Variants in PKP4 observed in about 807,000 individuals in gnomAD.
The protein encoded by PKP4 is plakophilin 4, also known as plakophilin-4.
PKP4 carries 90 observed loss-of-function variants against 145.1 expected under a neutral mutation model. That is an observed-to-expected ratio of 0.62 (90% CI 0.52 to 0.74). The LOEUF is 0.74. PKP4 is among the 30% of genes least tolerant of loss of function. The probability of loss-of-function intolerance (pLI) is 0.00; values close to 1 mark genes in which losing one functional copy is unlikely to be tolerated. For missense variants in PKP4, 1,340 were observed against 1,482.7 expected (o/e 0.90, Z 1.58); for synonymous variants, 563 against 577.2 (o/e 0.98, Z 0.35).
intron 1 of PKP4, among the ~76,000 whole-genome samples, chr2:158,462,080 T>C (rs1689856773): frequency 1.3e-5 from 2 of 152,116 alleles, no homozygotes; most frequent in Non-Finnish European, 2.9e-5. Context: ...TGGAATGCAG[T>C]TTTTCATAGA....
chr2:158,555,799 A>G (rs1386418516), intron 2 of PKP4, among the ~76,000 whole-genome samples: 1 of 152,214 alleles, frequency 6.6e-6, no homozygotes, highest in African/African-American at 2.4e-5. Context: ...ACCCACAGAC[A>G]TAAACTGGTT....
intron 11 of PKP4, among the ~76,000 whole-genome samples, chr2:158,656,719 C>T (rs2055972407): frequency 6.6e-6 from 1 of 152,190 alleles, no homozygotes; most frequent in African/African-American, 2.4e-5. Flanking sequence ...CTCCACAGCA[C>T]ATGGACAGGC....
At chr2:158,619,699 G>T (rs946369353) in intron 4 of PKP4, among the ~76,000 whole-genome samples, 7 of 152,174 alleles carry the variant, frequency 4.6e-5, no homozygotes, top group Non-Finnish European at 7.4e-5. Flanking sequence ...CTGGGAATTT[G>T]CTTGTTCAAC....
rs773442211 is a variant in PKP4 at position 158,661,370 on chromosome 2, A to G, written c.2131A>G (p.Met711Val). The change falls in exon 13 of 22, where the codon ATG (methionine) becomes GTG (valine). Residue 711 changes from methionine to valine, a missense_variant. Met to Val is a conservative substitution (Grantham distance 21). Transcript: ENST00000389759. The part of the protein sequence containing the change: ...SSAGEEARKQ[M>V]RSCEGLVDSL... ...CGCGGGGGAAGAAGCTCGGAAGCAA[A>G]TGCGGTCCTGCGAGGGGCTGGTAGA... The G allele has an allele frequency of 6.2e-7, 1 of 1,613,840 alleles. No homozygotes were observed. The highest frequency in any genetic ancestry group is 8.5e-7 in the Non-Finnish European group (1 of 1,179,802).
At chr2:158,479,610 A>C (rs977927384) in intron 1 of PKP4, among the ~76,000 whole-genome samples, 10 of 152,188 alleles carry the variant, frequency 6.6e-5, no homozygotes, top group African/African-American at 2.4e-4. Context: ...TTCTATAGGC[A>C]GACTGTCACT....
chr2:158,582,597 G>C (rs1397068854), intron 3 of PKP4, among the ~76,000 whole-genome samples: 1 of 152,136 alleles, frequency 6.6e-6, no homozygotes, highest in Non-Finnish European at 1.5e-5. Context: ...AAACAAACTA[G>C]GTTGCTCAGG....
At chr2:158,486,509 T>C (rs997746955) in intron 1 of PKP4, among the ~76,000 whole-genome samples, 1 of 152,240 alleles carries the variant, frequency 6.6e-6, no homozygotes, top group Non-Finnish European at 1.5e-5. Context: ...CCTACAGATA[T>C]TATTCAGCTT....
intron 1 of PKP4, among the ~76,000 whole-genome samples, chr2:158,532,901 C>A (rs952907233): frequency 2.0e-5 from 3 of 152,156 alleles, no homozygotes; most frequent in Non-Finnish European, 4.4e-5. Context: ...GTAAAACATT[C>A]TTCTCATGTC....
At chr2:158,572,984 G>A (rs1342748149) in intron 2 of PKP4, among the ~76,000 whole-genome samples, 3 of 152,112 alleles carry the variant, frequency 2.0e-5, no homozygotes, top group Non-Finnish European at 4.4e-5. Flanking sequence ...TGTACCTTTC[G>A]ACCAAGCAAT....
chr2:158,639,614 CT>C (rs2105927934), intron 9 of PKP4, among the ~76,000 whole-genome samples: 1 of 152,184 alleles, frequency 6.6e-6, no homozygotes, highest in African/African-American at 2.4e-5. Context: ...TAACAATCTG[CT>C]TTTCACATAA....
intron 1 of PKP4, among the ~76,000 whole-genome samples, chr2:158,463,545 T>C (rs1690114066): frequency 6.6e-6 from 1 of 152,164 alleles, no homozygotes; most frequent in Non-Finnish European, 1.5e-5. Flanking sequence ...ATCAAGAGGC[T>C]CTAGTTCTAG....
At chr2:158,660,716 G>C (rs1489638288) in intron 12 of PKP4, 1 of 152,182 alleles carries the variant, frequency 6.6e-6, no homozygotes, top group Non-Finnish European at 1.5e-5. Context: ...GAAAAGATCA[G>C]AAAAGTTTTA....
chr2:158,674,056 C>A, intron 19 of PKP4, 56 bp downstream of exon 19: 2 of 959,922 alleles, frequency 2.1e-6, no homozygotes, highest in Non-Finnish European at 3.4e-6. Context: ...GAACATTGTT[C>A]CCCAGCCAGA....
In PKP4 at chr2:158,663,356, T is replaced by A. The variant is rs761352405; in HGVS notation, c.2488T>A (p.Tyr830Asn). The part of the protein sequence containing the change: ...MLWHPSVVKP[Y>N]LTLLAESSNP... ...GTGGCACCCATCGGTGGTAAAACCA[T>A]ATCTGACTCTTCTAGCAGAAAGTTC... Residue 830 changes from tyrosine (Y) to asparagine (N), a missense_variant, in exon 15 of 22, where the codon TAT (tyrosine) becomes AAT (asparagine). Coordinates refer to ENST00000389759, the MANE Select transcript of PKP4 (RefSeq NM_003628.6). The A allele has an allele frequency of 1.9e-6, 3 of 1,614,112 alleles. No homozygotes were observed. Among genetic ancestry groups the A allele is most frequent in the Non-Finnish European group, 2.5e-6 (3 of 1,179,966 alleles).
At chr2:158,592,278 T>C (rs1178522095) in intron 3 of PKP4, among the ~76,000 whole-genome samples, 1 of 152,052 alleles carries the variant, frequency 6.6e-6, no homozygotes, top group East Asian at 1.9e-4. Flanking sequence ...TAAAACATTC[T>C]AGAACCACTT....
intron 1 of PKP4, among the ~76,000 whole-genome samples, chr2:158,500,178 C>G (rs933390884): frequency 6.6e-6 from 1 of 152,162 alleles, no homozygotes; most frequent in Non-Finnish European, 1.5e-5. Context: ...CATCATTTCT[C>G]TTTCTCCTGC....
chr2:158,562,848 C>T (rs1194046359), intron 2 of PKP4, among the ~76,000 whole-genome samples: 3 of 151,986 alleles, frequency 2.0e-5, no homozygotes, highest in Non-Finnish European at 4.4e-5. Context: ...GGTCCTCTTG[C>T]GTGTTTTATT....
At chr2:158,630,171 A>G (rs2105910608) in intron 7 of PKP4, among the ~76,000 whole-genome samples, 1 of 152,314 alleles carries the variant, frequency 6.6e-6, no homozygotes, top group Non-Finnish European at 1.5e-5. Flanking sequence ...TTTACAAGTG[A>G]CAGATTTTAC....
chr2:158,640,590 G>T, intron 9 of PKP4, 37 bp from the exon 10 acceptor site: 2 of 1,607,130 alleles, frequency 1.2e-6, no homozygotes, highest in Non-Finnish European at 1.7e-6. Flanking sequence ...TTTACAACAT[G>T]GGCCTTCCTT....
Sources: allele counts gnomAD v4.1 joint callset (sites outside exome capture counted in the v4.1 genomes callset), GRCh38; gene constraint gnomAD v4.1.1; transcripts MANE v1.5; gene names NCBI Gene and HGNC (gene_info 2026-07-23, HGNC 2026-07-21).